The following LDB2 variants were observed in gnomAD, a reference collection of about 807,000 sequenced individuals.
LDB2 encodes the protein LIM domain-binding protein 2.
LDB2 carries 12 observed loss-of-function variants against 44.3 expected under a neutral mutation model. The ratio of observed to expected loss-of-function variants is 0.27; its 90% CI spans 0.17 to 0.44. The LOEUF (loss-of-function observed/expected upper bound fraction) is 0.44, where lower values mean the gene tolerates loss of function less well. LDB2 is among the 20% of genes least tolerant of loss of function. LDB2 has a pLI of 1.00. For synonymous variants in LDB2, 164 were observed against 174.8 expected, an observed-to-expected ratio of 0.94 and a Z score of 0.49; for missense variants, 344 against 473.5, an observed-to-expected ratio of 0.73 and a Z score of 2.54.
At chr4:16,636,562 G>C (rs1224853252) in intron 2 of LDB2, among the ~76,000 whole-genome samples, 1 of 152,136 alleles carries the variant, frequency 6.6e-6, no homozygotes, top group Non-Finnish European at 1.5e-5. Flanking sequence ...AGAGCCTTCA[G>C]GCTGTATGAC....
At chr4:16,542,101 T>TG (rs71649965) in intron 5 of LDB2, among the ~76,000 whole-genome samples, 53,642 of 83,464 alleles carry the variant, frequency 0.64, 18,672 homozygotes, top group Middle Eastern at 0.76. Context: ...CATCAGGTGG[T>TG]GGGGGGGGGG....
intron 5 of LDB2, among the ~76,000 whole-genome samples, chr4:16,568,100 G>A (rs1036038942): frequency 2.6e-4 from 39 of 152,116 alleles, no homozygotes; most frequent in African/African-American, 9.2e-4. Flanking sequence ...TCTTTGACCT[G>A]AAAAAAACAG....
intron 5 of LDB2, among the ~76,000 whole-genome samples, chr4:16,544,876 T>G (rs1411814032): frequency 6.6e-6 from 1 of 152,090 alleles, no homozygotes; most frequent in Non-Finnish European, 1.5e-5. Flanking sequence ...AGTTGTCAGC[T>G]TAGAGATTGT....
chr4:16,869,220 C>T (rs963785396), intron 1 of LDB2, among the ~76,000 whole-genome samples: 1 of 150,990 alleles, frequency 6.6e-6, no homozygotes, highest in African/African-American at 2.4e-5. Flanking sequence ...CAAAGACACA[C>T]AGTAGTAAAA....
At chr4:16,638,291 G>C (rs1734168928) in intron 2 of LDB2, among the ~76,000 whole-genome samples, 1 of 152,186 alleles carries the variant, frequency 6.6e-6, no homozygotes, top group Admixed American at 6.5e-5. Context: ...TTGTGGTGTT[G>C]AATGGGCACA....
rs149779604 is a variant in LDB2 at position 16,711,567 on chromosome 4, A to G, written c.235+47591T>C. Among the ~76,000 whole-genome samples, 3 of 152,350 alleles carry G rather than the reference A, an allele frequency of 2.0e-5. No homozygotes were observed. In the East Asian group the frequency reaches 5.8e-4, roughly 29 times the overall value. On this transcript the variant is annotated intron_variant, in intron 2 of 7. Transcript: ENST00000304523. Reference sequence around the variant, plus strand: ...GGTGACAAGTCTGATCTGGGTTTTAACAAGGTCTCCCTGGATGCTGTGCAT... The same window carrying G: ...GGTGACAAGTCTGATCTGGGTTTTAGCAAGGTCTCCCTGGATGCTGTGCAT...
chr4:16,816,446 T>C (rs1456236463), intron 1 of LDB2, among the ~76,000 whole-genome samples: 2 of 149,368 alleles, frequency 1.3e-5, no homozygotes, highest in East Asian at 3.9e-4. Context: ...TTTTACTCTG[T>C]TGCCCAGGCT....
intron 2 of LDB2, among the ~76,000 whole-genome samples, chr4:16,688,864 T>G (rs1187158716): frequency 1.3e-5 from 2 of 152,238 alleles, no homozygotes; most frequent in African/African-American, 4.8e-5. Flanking sequence ...TTCAATGTGG[T>G]TTTTCAAAAC....
At chr4:16,782,637 ACC>A (rs1773545775) in intron 1 of LDB2, among the ~76,000 whole-genome samples, 1 of 152,222 alleles carries the variant, frequency 6.6e-6, no homozygotes, top group East Asian at 1.9e-4. Flanking sequence ...GGCGTGAGCC[ACC>A]ACGCCCAGCA....
intron 2 of LDB2, among the ~76,000 whole-genome samples, chr4:16,739,589 A>AAAAAT (rs1553994410): frequency 1.6e-5 from 1 of 64,332 alleles, no homozygotes; most frequent in Non-Finnish European, 2.8e-5. Context: ...AAAAAAAAAA[A>AAAAAT]ATATATATAT....
chr4:16,513,158 A>G (rs940179992), intron 5 of LDB2, among the ~76,000 whole-genome samples: 2 of 152,116 alleles, frequency 1.3e-5, no homozygotes, highest in Admixed American at 1.3e-4. Context: ...ACATGTCCCT[A>G]GAGGCCACCC....
intron 1 of LDB2, among the ~76,000 whole-genome samples, chr4:16,865,857 C>A (rs1314126446): frequency 6.6e-6 from 1 of 152,218 alleles, no homozygotes; most frequent in Non-Finnish European, 1.5e-5. Flanking sequence ...CACATTCCCA[C>A]CTTTGTGCTT....
intron 2 of LDB2, among the ~76,000 whole-genome samples, chr4:16,727,873 G>C (rs1759856964): frequency 6.6e-6 from 1 of 152,116 alleles, no homozygotes; most frequent in Non-Finnish European, 1.5e-5. Flanking sequence ...GTGGGAAGGA[G>C]CATGGGTCAT....
chr4:16,667,322 C>A (rs1156592482), intron 2 of LDB2, among the ~76,000 whole-genome samples: 1 of 152,170 alleles, frequency 6.6e-6, no homozygotes, highest in Non-Finnish European at 1.5e-5. Context: ...GAGTCCTTGC[C>A]GTGCACGGAG....
intron 2 of LDB2, among the ~76,000 whole-genome samples, chr4:16,608,909 T>C (rs1293976017): frequency 1.3e-5 from 2 of 152,028 alleles, no homozygotes; most frequent in East Asian, 3.9e-4. Flanking sequence ...CTTCATTCTC[T>C]CTCTTCTGTC....
At chr4:16,621,703 C>A (rs1313699380) in intron 2 of LDB2, among the ~76,000 whole-genome samples, 1 of 152,208 alleles carries the variant, frequency 6.6e-6, no homozygotes, top group East Asian at 1.9e-4. Context: ...CAGACCTGCA[C>A]CACCACCCCA....
At chr4:16,503,749 C>T (rs188930336) in intron 7 of LDB2, among the ~76,000 whole-genome samples, 68 of 152,254 alleles carry the variant, frequency 4.5e-4, no homozygotes, top group African/African-American at 1.6e-3. Context: ...TGGTAGTCAT[C>T]AGAGATGGAA....
intron 2 of LDB2, among the ~76,000 whole-genome samples, chr4:16,730,192 T>G (rs1760440623): frequency 6.6e-6 from 1 of 152,214 alleles, no homozygotes; most frequent in South Asian, 2.1e-4. Flanking sequence ...TCTGGCATAA[T>G]AGGGGGATCT....
chr4:16,653,142 C>A (rs1437215927), intron 2 of LDB2, among the ~76,000 whole-genome samples: 1 of 152,136 alleles, frequency 6.6e-6, no homozygotes, highest in Non-Finnish European at 1.5e-5. Context: ...AGGGGCCCTG[C>A]AGCTGATAGA....
Sources: allele counts gnomAD v4.1 joint callset (sites outside exome capture counted in the v4.1 genomes callset), GRCh38; gene constraint gnomAD v4.1.1; transcripts MANE v1.5; gene names NCBI Gene and HGNC (gene_info 2026-07-23, HGNC 2026-07-21).